The following GRIK1 variants were observed in gnomAD, a reference collection of about 807,000 sequenced individuals.
GRIK1 encodes the protein glutamate ionotropic receptor kainate type subunit 1.
In GRIK1, 69 loss-of-function variants were observed where a neutral mutation model predicts 105.7. The observed-to-expected ratio is 0.65, with a 90% CI of 0.54 to 0.80. The LOEUF (loss-of-function observed/expected upper bound fraction) is 0.80. Ranked by LOEUF, GRIK1 falls within the 30% of genes least tolerant of loss-of-function variation. The pLI, the probability that GRIK1 is intolerant of heterozygous loss-of-function variation, is 0.00. For synonymous variants in GRIK1, 438 were observed against 431.3 expected, an observed-to-expected ratio of 1.02 and a Z score of -0.19; for missense variants, 1,109 against 1,167.3, an observed-to-expected ratio of 0.95 and a Z score of 0.73.
At chr21:29,665,301 A>T (rs2063037618) in intron 4 of GRIK1, among the ~76,000 whole-genome samples, 1 of 152,226 alleles carries the variant, frequency 6.6e-6, no homozygotes, top group Admixed American at 6.5e-5. Context: ...TATACTCGTA[A>T]CTATGAACCG....
chr21:29,691,945 T>G (rs554920827), intron 2 of GRIK1, among the ~76,000 whole-genome samples: 2 of 152,292 alleles, frequency 1.3e-5, no homozygotes, highest in African/African-American at 4.8e-5. Flanking sequence ...AAGTGTAAAC[T>G]GTCATTGTCT....
At chr21:29,753,885 T>C (rs1285689795) in intron 1 of GRIK1, among the ~76,000 whole-genome samples, 1 of 152,180 alleles carries the variant, frequency 6.6e-6, no homozygotes, top group African/African-American at 2.4e-5. Context: ...TATATAGTTA[T>C]GTAGATCATA....
intron 1 of GRIK1, among the ~76,000 whole-genome samples, chr21:29,715,103 C>T (rs1055983430): frequency 1.3e-5 from 2 of 152,100 alleles, no homozygotes; most frequent in African/African-American, 2.4e-5. Flanking sequence ...TCATAAATGC[C>T]CTATAGGATT....
At chr21:29,876,473 AC>A (rs1486735740) in intron 1 of GRIK1, among the ~76,000 whole-genome samples, 1 of 151,928 alleles carries the variant, frequency 6.6e-6, no homozygotes, top group Non-Finnish European at 1.5e-5. Context: ...ACCAGAATCT[AC>A]CCCCTACTGG....
At chr21:29,804,055 G>T (rs1241029755) in intron 1 of GRIK1, among the ~76,000 whole-genome samples, 2 of 152,144 alleles carry the variant, frequency 1.3e-5, no homozygotes, top group Middle Eastern at 3.2e-3. Context: ...AGGATGGACA[G>T]AAGCTCATAA....
intron 1 of GRIK1, among the ~76,000 whole-genome samples, chr21:29,740,554 C>T (rs1206633607): frequency 6.6e-6 from 1 of 152,148 alleles, no homozygotes; most frequent in Non-Finnish European, 1.5e-5. Flanking sequence ...CCCCATGAGG[C>T]AGCTCAGAAA....
intron 1 of GRIK1, among the ~76,000 whole-genome samples, chr21:29,714,943 T>C (rs1342518470): frequency 6.6e-6 from 1 of 152,170 alleles, no homozygotes; most frequent in African/African-American, 2.4e-5. Context: ...ATACCTAATC[T>C]TTCAGAATGG....
chr21:29,639,827 C>T (rs994789757), intron 7 of GRIK1, among the ~76,000 whole-genome samples: 1 of 152,162 alleles, frequency 6.6e-6, no homozygotes, highest in African/African-American at 2.4e-5. Flanking sequence ...TGTATAATCT[C>T]CTAGCATGCA....
intron 1 of GRIK1, among the ~76,000 whole-genome samples, chr21:29,826,817 CTTAAA>C (rs2067472706): frequency 1.3e-5 from 2 of 152,042 alleles, no homozygotes; most frequent in African/African-American, 4.8e-5. Context: ...GATAGAGGGA[CTTAAA>C]TTAATTATTC....
chr21:29,799,135 A>G (rs1036849519), intron 1 of GRIK1, among the ~76,000 whole-genome samples: 2 of 152,172 alleles, frequency 1.3e-5, no homozygotes, highest in South Asian at 4.1e-4. Flanking sequence ...TCCTCATATC[A>G]GTTACATGGA....
At chr21:29,671,171 G>A (rs2063152775) in intron 4 of GRIK1, among the ~76,000 whole-genome samples, 2 of 151,986 alleles carry the variant, frequency 1.3e-5, no homozygotes, top group Non-Finnish European at 2.9e-5. Context: ...TGCCCAGGCT[G>A]GAGTACAGTG....
intron 1 of GRIK1, among the ~76,000 whole-genome samples, chr21:29,766,019 T>C (rs1457045749): frequency 6.6e-6 from 1 of 151,898 alleles, no homozygotes; most frequent in Non-Finnish European, 1.5e-5. Flanking sequence ...GCCCGGCTAA[T>C]TTTTTGTATT....
intron 1 of GRIK1, among the ~76,000 whole-genome samples, chr21:29,911,786 T>A (rs1031988489): frequency 2.0e-5 from 3 of 152,078 alleles, no homozygotes; most frequent in African/African-American, 7.2e-5. Flanking sequence ...GAAAGTGGGC[T>A]CTTCCCAGAC....
At chr21:29,823,043 G>C (rs408151) in intron 1 of GRIK1, among the ~76,000 whole-genome samples, 125,549 of 151,934 alleles carry the variant, frequency 0.83, 52,817 homozygotes, top group East Asian at 0.93. Flanking sequence ...CCTGGATAAG[G>C]TGCTTCAACA....
chr21:29,900,459 C>CA (rs746842761), intron 1 of GRIK1, among the ~76,000 whole-genome samples: 8 of 78,322 alleles, frequency 1.0e-4, no homozygotes, highest in East Asian at 3.9e-4. Context: ...AAATGGAAAG[C>CA]AAGAAAAAAA....
chr21:29,658,884 A>G (rs1473666233), intron 4 of GRIK1, among the ~76,000 whole-genome samples: 1 of 152,196 alleles, frequency 6.6e-6, no homozygotes, highest in Non-Finnish European at 1.5e-5. Flanking sequence ...TCAGTTCCCT[A>G]ATATCACTAG....
intron 1 of GRIK1, among the ~76,000 whole-genome samples, chr21:29,759,471 A>G (rs1489835678): frequency 1.6e-4 from 25 of 152,206 alleles, no homozygotes; most frequent in Admixed American, 1.6e-3. Flanking sequence ...AGGGTTAGTT[A>G]AACTAATTTA....
At chr21:29,671,111 C>CTTTAT (rs933268476) in intron 4 of GRIK1, among the ~76,000 whole-genome samples, 1 of 151,916 alleles carries the variant, frequency 6.6e-6, no homozygotes, top group Admixed American at 6.6e-5. Flanking sequence ...GTGTTCCCAA[C>CTTTAT]TTTATTTTAT....
intron 1 of GRIK1, among the ~76,000 whole-genome samples, chr21:29,853,902 T>A (rs2068381922): frequency 6.6e-6 from 1 of 152,140 alleles, no homozygotes; most frequent in East Asian, 1.9e-4. Flanking sequence ...GTAAAAAGAA[T>A]AGGTGATGCT....
Sources: allele counts gnomAD v4.1 joint callset (sites outside exome capture counted in the v4.1 genomes callset), GRCh38; gene constraint gnomAD v4.1.1; transcripts MANE v1.5; gene names NCBI Gene and HGNC (gene_info 2026-07-23, HGNC 2026-07-21).